Variants in TG observed in about 807,000 individuals in gnomAD.
The protein encoded by TG is thyroglobulin.
TG carries 270 observed loss-of-function variants against 324.7 expected under a neutral mutation model. The observed-to-expected ratio is 0.83, with a 90% confidence interval of 0.75 to 0.92. TG has a LOEUF of 0.92. Among genes scored for constraint, TG ranks in the 40% least tolerant of loss-of-function variants. The pLI, the probability that TG is intolerant of heterozygous loss-of-function variation, is 0.00. For missense variants in TG, 3,591 were observed against 3,456.4 expected, an observed-to-expected ratio of 1.04 and a Z score of -0.98; for synonymous variants, 1,401 against 1,327.0, an observed-to-expected ratio of 1.06 and a Z score of -1.21.
intron 4 of TG, 71 bp downstream of exon 4, chr8:132,871,622 A>T: frequency 6.7e-7 from 1 of 1,496,576 alleles, no homozygotes; most frequent in Non-Finnish European, 9.1e-7. Context: ...GCGATCCAAC[A>T]CATTTAGGGT....
intron 25 of TG, among the ~76,000 whole-genome samples, chr8:132,937,756 G>A (rs1823816942): frequency 8.7e-6 from 1 of 114,846 alleles, no homozygotes; most frequent in African/African-American, 2.5e-5. Flanking sequence ...TTCTGTTTAA[G>A]TGTTTATTTT....
intron 41 of TG, among the ~76,000 whole-genome samples, chr8:133,055,833 G>C (rs1841340105): frequency 3.5e-4 from 4 of 11,504 alleles, no homozygotes; most frequent in Admixed American, 1.8e-3. Context: ...ACCAGCAGCA[G>C]CAGCAGCAGC....
chr8:133,058,534 C>T (rs1015045016), intron 41 of TG, among the ~76,000 whole-genome samples: 3 of 152,226 alleles, frequency 2.0e-5, no homozygotes, highest in Non-Finnish European at 4.4e-5. Context: ...GAGGTGACGA[C>T]CCAAGATGGG....
chr8:132,883,036 G>T, intron 8 of TG, 37 bp downstream of exon 8: 1 of 1,603,896 alleles, frequency 6.2e-7, no homozygotes, highest in Non-Finnish European at 8.5e-7. Flanking sequence ...TTCGGCCTCG[G>T]ATCATATTAC....
At chr8:132,975,169 A>C (rs935057384) in intron 34 of TG, among the ~76,000 whole-genome samples, 3 of 152,116 alleles carry the variant, frequency 2.0e-5, no homozygotes, top group African/African-American at 4.8e-5. Context: ...AGCACTAGGT[A>C]TTTGGGAGAC....
rs752638981 is a variant in TG, at chr8:133,022,030, A to G, written c.6916A>G (p.Met2306Val). 33 of 1,614,040 alleles carry G rather than the reference A, an allele frequency of 2.0e-5. No individual in the cohort carries two copies. The Admixed American group carries it at 4.8e-4, about 24-fold the overall frequency. ...ASVLVFFHNTMDREESEGWPA... is the reference protein window; with the variant it reads ...ASVLVFFHNTVDREESEGWPA... Reference sequence around the variant, plus strand: ...TGTGCTGGTGTTCTTCCACAACACCATGGACAGGGAGGAGAGTGAAGGATG... The same window carrying G: ...TGTGCTGGTGTTCTTCCACAACACCGTGGACAGGGAGGAGAGTGAAGGATG... Residue 2306 changes from methionine to valine, a missense_variant, in exon 40 of 48, where the codon ATG becomes GTG. Physicochemically the swap from Met to Val is conservative, Grantham distance 21. Coordinates refer to ENST00000220616, the MANE Select transcript of TG (RefSeq NM_003235.5).
chr8:133,063,321 A>G (rs578061388), intron 41 of TG, among the ~76,000 whole-genome samples: 1 of 148,312 alleles, frequency 6.7e-6, no homozygotes, highest in Non-Finnish European at 1.5e-5. Context: ...GCTTCTAAGC[A>G]GCAGGCTCCC....
At chr8:132,920,959 A>G (rs1476543744) in intron 21 of TG, among the ~76,000 whole-genome samples, 3 of 152,260 alleles carry the variant, frequency 2.0e-5, no homozygotes, top group Non-Finnish European at 4.4e-5. Flanking sequence ...ACAGGCTGGA[A>G]GTCTGAGGTC....
chr8:132,930,917 A>G (rs1822619874), intron 23 of TG, among the ~76,000 whole-genome samples: 1 of 152,202 alleles, frequency 6.6e-6, no homozygotes, highest in African/African-American at 2.4e-5. Context: ...CTATCAGACA[A>G]ACGAGAGCAG....
chr8:132,890,229 A>G (rs769173212), intron 10 of TG, among the ~76,000 whole-genome samples: 1 of 152,050 alleles, frequency 6.6e-6, no homozygotes, highest in Non-Finnish European at 1.5e-5. Context: ...TTCCCTTCAC[A>G]TTTCTATTAA....
chr8:133,050,585 C>T (rs1046466579), intron 41 of TG: 4 of 454,202 alleles, frequency 8.8e-6, no homozygotes, highest in Non-Finnish European at 1.6e-5. Context: ...ATCTCAAAAG[C>T]CAAGTTAAGG....
chr8:133,059,179 A>G (rs531890648), intron 41 of TG: 8 of 455,804 alleles, frequency 1.8e-5, no homozygotes, highest in African/African-American at 1.6e-4. Context: ...GCTGGGAACC[A>G]TGTGTGGTCA....
chr8:132,984,434 C>A (rs866705090), intron 35 of TG, among the ~76,000 whole-genome samples: 9 of 152,188 alleles, frequency 5.9e-5, no homozygotes, highest in African/African-American at 2.2e-4. Context: ...ACTTTGCATT[C>A]ATGATAGACG....
intron 16 of TG, 89 bp from the exon 17 acceptor site, chr8:132,906,599 G>A: frequency 2.0e-6 from 3 of 1,467,520 alleles, no homozygotes; most frequent in Non-Finnish European, 2.8e-6. Flanking sequence ...GGCCCAGTGT[G>A]AGTGAGAAGG....
intron 27 of TG, among the ~76,000 whole-genome samples, chr8:132,951,724 G>T (rs893229251): frequency 6.6e-6 from 1 of 152,174 alleles, no homozygotes; most frequent in African/African-American, 2.4e-5. Context: ...CTATACAAAG[G>T]CTGAGTAGGA....
At chr8:133,004,191 G>A (rs373884190) in intron 35 of TG, among the ~76,000 whole-genome samples, 4 of 151,778 alleles carry the variant, frequency 2.6e-5, no homozygotes, top group Admixed American at 2.6e-4. Context: ...CTCCTCCAAG[G>A]CTTAGGGCCT....
At chr8:133,058,753 C>A (rs1164782078) in intron 41 of TG, among the ~76,000 whole-genome samples, 1 of 152,250 alleles carries the variant, frequency 6.6e-6, no homozygotes, top group East Asian at 1.9e-4. Context: ...AGATAGAGGG[C>A]TGCTGTCCTG....
chr8:132,931,401 G>A (rs977588485), intron 23 of TG, among the ~76,000 whole-genome samples: 1 of 152,172 alleles, frequency 6.6e-6, no homozygotes. Context: ...GTGGTTTTAC[G>A]GTAGATCGAA....
chr8:132,989,187 C>T (rs1279443595), intron 35 of TG, among the ~76,000 whole-genome samples: 3 of 152,220 alleles, frequency 2.0e-5, no homozygotes, highest in South Asian at 2.1e-4. Flanking sequence ...TTATCTCCCA[C>T]TGGGTCCCTC....
Sources: gnomAD v4.1 joint callset for allele counts (sites outside exome capture counted in the v4.1 genomes callset) on GRCh38, gnomAD v4.1.1 for gene constraint, MANE v1.5 for transcripts, NCBI Gene and HGNC (gene_info 2026-07-23, HGNC 2026-07-21) for gene names.